ST14: variants seen among roughly 807,000 people sequenced by gnomAD.
ST14 encodes the protein ST14 transmembrane serine protease matriptase.
A neutral mutation model predicts 96.5 loss-of-function variants in ST14; 40 were observed. That is an observed-to-expected ratio of 0.41 (90% confidence interval 0.32 to 0.54). The LOEUF (loss-of-function observed/expected upper bound fraction) is 0.54, where lower values mean the gene tolerates loss of function less well. Ranked by LOEUF, ST14 falls within the 20% of genes least tolerant of loss-of-function variation. ST14 has a pLI of 0.17. For missense variants in ST14, 1,066 were observed against 1,188.9 expected, an observed-to-expected ratio of 0.90 and a Z score of 1.52; for synonymous variants, 506 against 492.1, an observed-to-expected ratio of 1.03 and a Z score of -0.37.
chr11:130,196,258 G>A (rs999832278), intron 9 of ST14, 81 bp from the exon 10 acceptor site: 8 of 1,096,434 alleles, frequency 7.3e-6, no homozygotes, highest in Admixed American at 4.0e-5. Context: ...CCTGGTCCAT[G>A]CCGCTGCCTC....
intron 11 of ST14, 31 bp downstream of exon 11, chr11:130,196,731 CG>C: frequency 6.2e-7 from 1 of 1,614,076 alleles, no homozygotes; most frequent in Non-Finnish European, 8.5e-7. Context: ...GGAGGGCTGG[CG>C]GGGGCCTGCA....
rs747004989 is a variant in ST14 at position 130,194,250 on chromosome 11, G to A, written c.977G>A (p.Gly326Asp). Residue 326 changes from glycine (G) to aspartate (D), a missense_variant, in exon 8 of 19, where the codon GGC (glycine) becomes GAC (aspartate). Gly to Asp is a moderately conservative substitution (Grantham distance 94, BLOSUM62 -1). Transcript: ENST00000278742. ...ACCAACACTGAGCGGCGGCATCCCGGCTTTGAGGCCACCTTCTTCCAGCTG... is the reference window on the plus strand; with the variant it reads ...ACCAACACTGAGCGGCGGCATCCCGACTTTGAGGCCACCTTCTTCCAGCTG... ...LITNTERRHP[G>D]FEATFFQLPR... The A allele has an allele frequency of 3.7e-6, 6 of 1,614,258 alleles. No individual in the cohort carries two copies. The highest frequency in any genetic ancestry group is 1.3e-5 in the African/African-American group (1 of 75,070).
At chr11:130,189,596 A>C in intron 4 of ST14, 143 bp from the exon 5 acceptor site, 1 of 1,057,924 alleles carries the variant, frequency 9.5e-7, no homozygotes, top group South Asian at 1.5e-5. Context: ...AAGAGGGATG[A>C]CACAAGAGGA....
At chr11:130,165,122 T>C (rs552625155) in intron 1 of ST14, among the ~76,000 whole-genome samples, 2 of 152,216 alleles carry the variant, frequency 1.3e-5, no homozygotes, top group Non-Finnish European at 2.9e-5. Flanking sequence ...CAGAGCAAAA[T>C]AGTGGCGGAA....
chr11:130,196,653 C>A lies in ST14; in HGVS notation c.1307C>A (p.Thr436Asn). ...CGCTTCCACTCAGATCAGTCCTACA[C>A]CGACACCGGCTTCTTAGCTGAATAC... ...TVRFHSDQSYTDTGFLAEYLS... is the reference protein window; with the variant it reads ...TVRFHSDQSYNDTGFLAEYLS... The change falls in exon 11 of 19, where the codon ACC (threonine) becomes AAC (asparagine). Residue 436 changes from threonine to asparagine, a missense_variant. Coordinates refer to ENST00000278742, the MANE Select transcript of ST14 (RefSeq NM_021978.4). 6.2e-7 allele frequency: 1 copy of A among 1,614,210 alleles called. No individual in the cohort carries two copies. Among genetic ancestry groups the A allele is most frequent in the Non-Finnish European group, 8.5e-7 (1 of 1,180,044 alleles).
chr11:130,190,672 A>C lies in ST14; in HGVS notation c.853A>C (p.Met285Leu). The part of the protein sequence containing the change: ...LVTVYNTLSP[M>L]EPHALVQLCG... ...GACGGTGTACAACACCCTGAGCCCCATGGAGCCCCACGCCCTGGTGCAGTG... is the reference window on the plus strand; with the variant it reads ...GACGGTGTACAACACCCTGAGCCCCCTGGAGCCCCACGCCCTGGTGCAGTG... The change falls in exon 7 of 19, where the codon ATG becomes CTG. Residue 285 changes from methionine (M) to leucine (L), a missense_variant. Transcript: ENST00000278742. The C allele has an allele frequency of 6.3e-7, 1 of 1,596,058 alleles. No individual in the cohort carries two copies. The highest frequency in any genetic ancestry group is 8.5e-7 in the Non-Finnish European group (1 of 1,172,224).
intron 1 of ST14, among the ~76,000 whole-genome samples, chr11:130,172,906 G>A (rs1414294375): frequency 6.6e-6 from 1 of 152,154 alleles, no homozygotes; most frequent in Non-Finnish European, 1.5e-5. Context: ...TGCTGTGTAC[G>A]AGCCTCACGC....
intron 1 of ST14, among the ~76,000 whole-genome samples, chr11:130,180,840 T>G (rs1292225496): frequency 6.6e-6 from 1 of 152,216 alleles, no homozygotes; most frequent in Non-Finnish European, 1.5e-5. Context: ...GTTTTTTTTC[T>G]TTTCGTTTTG....
intron 9 of ST14, 70 bp from the exon 10 acceptor site, chr11:130,196,269 C>A: frequency 7.9e-7 from 1 of 1,269,724 alleles, no homozygotes; most frequent in Non-Finnish European, 1.1e-6. Flanking sequence ...CCGCTGCCTC[C>A]CTTTGACGTC....
intron 1 of ST14, among the ~76,000 whole-genome samples, chr11:130,184,566 G>C (rs898589937): frequency 1.1e-4 from 16 of 152,152 alleles, no homozygotes; most frequent in Non-Finnish European, 2.1e-4. Context: ...CTTTGGTAAT[G>C]GTCTCTTCTC....
intron 16 of ST14, among the ~76,000 whole-genome samples, chr11:130,204,530 G>T (rs908496688): frequency 6.6e-6 from 1 of 152,192 alleles, no homozygotes; most frequent in East Asian, 1.9e-4. Context: ...GCCAGAAGGG[G>T]GCCTGGCGCG....
intron 1 of ST14, among the ~76,000 whole-genome samples, chr11:130,162,848 G>C (rs907436206): frequency 2.0e-5 from 3 of 152,108 alleles, no homozygotes; most frequent in Admixed American, 6.6e-5. Flanking sequence ...AGCAAATTAG[G>C]GCTGCAGGCA....
intron 1 of ST14, among the ~76,000 whole-genome samples, chr11:130,185,925 G>A (rs1340594004): frequency 1.3e-5 from 2 of 151,780 alleles, no homozygotes; most frequent in African/African-American, 2.4e-5. Flanking sequence ...CTCCTGCCTC[G>A]GCCTCCCAAG....
Position 130,188,711 on chromosome 11 carries a change from TGCTGGGCAGGAGGGA to T in ST14, c.369+55_369+69del. On this transcript the variant is annotated intron_variant, in intron 3 of 18. Transcript: ENST00000278742. The surrounding 1 kb of genome is among the most constrained non-coding windows in gnomAD (Gnocchi z 5.4). ...GGGCTGTGTGCGCTGGTGTCCCACC[TGCTGGGCAGGAGGGA>T]CATGCCTCGCCTGTGCTCCCAGGGC... 1 of 1,613,622 alleles carries T rather than the reference TGCTGGGCAGGAGGGA, an allele frequency of 6.2e-7. No homozygotes were observed. Among genetic ancestry groups the T allele is most frequent in the Non-Finnish European group, 8.5e-7 (1 of 1,179,800 alleles).
At chr11:130,173,013 G>A (rs940619441) in intron 1 of ST14, among the ~76,000 whole-genome samples, 2 of 152,170 alleles carry the variant, frequency 1.3e-5, no homozygotes, top group African/African-American at 4.8e-5. Flanking sequence ...CTGGTGCAGG[G>A]GAGGGTGTGG....
intron 1 of ST14, among the ~76,000 whole-genome samples, chr11:130,163,409 C>CTT (rs562526916): frequency 9.9e-4 from 151 of 152,228 alleles, no homozygotes; most frequent in African/African-American, 3.5e-3. Flanking sequence ...GAAAATTAAA[C>CTT]TTTTATTTTG....
intron 17 of ST14, 28 bp from the exon 18 acceptor site, chr11:130,209,414 T>G: frequency 6.4e-7 from 1 of 1,566,934 alleles, no homozygotes; most frequent in Non-Finnish European, 8.6e-7. Flanking sequence ...GCAGCCCGGC[T>G]CTCAGCCCCG....
chr11:130,205,214 C>A (rs944851141), intron 16 of ST14, among the ~76,000 whole-genome samples: 10 of 152,114 alleles, frequency 6.6e-5, no homozygotes, highest in Non-Finnish European at 1.0e-4. Flanking sequence ...GCAACCTCTG[C>A]CTCCCGGCTT....
At chr11:130,201,070 GAC>G (rs1196281628) in intron 16 of ST14, among the ~76,000 whole-genome samples, 2 of 152,260 alleles carry the variant, frequency 1.3e-5, no homozygotes, top group African/African-American at 4.8e-5. Flanking sequence ...CTGTACTTGA[GAC>G]ACTTTGCGCT....
Sources: allele counts gnomAD v4.1 joint callset (sites outside exome capture counted in the v4.1 genomes callset), GRCh38; gene constraint gnomAD v4.1.1; non-coding constraint Gnocchi (gnomAD v3.1); transcripts MANE v1.5; gene names NCBI Gene and HGNC (gene_info 2026-07-23, HGNC 2026-07-21).